Variants in ARFGEF3 observed in about 807,000 individuals in gnomAD.
The protein encoded by ARFGEF3 is brefeldin A-inhibited guanine nucleotide-exchange protein 3.
In ARFGEF3, 96 loss-of-function variants were observed where a neutral mutation model predicts 221.7. That is an observed-to-expected ratio of 0.43 (90% CI 0.37 to 0.51). The LOEUF is 0.51. Ranked by LOEUF, ARFGEF3 falls within the 20% of genes least tolerant of loss-of-function variation. The pLI is 0.00. For missense variants in ARFGEF3, 2,410 were observed against 2,789.9 expected (o/e 0.86, Z 3.07); for synonymous variants, 1,145 against 1,126.8 (o/e 1.02, Z -0.32).
chr6:138,199,524 C>A (rs1378275163), intron 2 of ARFGEF3, among the ~76,000 whole-genome samples: 1 of 152,190 alleles, frequency 6.6e-6, no homozygotes, highest in African/African-American at 2.4e-5. Flanking sequence ...GATGTGTTTC[C>A]ATTTGTTTGT....
Position 138,321,692 on chromosome 6 carries a change from A to C in ARFGEF3, c.4766+467A>C, listed in dbSNP as rs543659070. On this transcript the variant is annotated intron_variant, in intron 29 of 33. Transcript: ENST00000251691. The stretch of plus-strand genomic sequence containing the variant: ...AGTTTGGAGGCTCTTCAAACTAAAA[A>C]TAGAGGTATCATACAATCAGCAATC... 5.9e-5 allele frequency among the ~76,000 whole-genome samples: 9 copies of C among 152,388 alleles called. No individual in the cohort carries two copies. In the South Asian group the frequency reaches 1.9e-3, roughly 32 times the overall value.
intron 22 of ARFGEF3, among the ~76,000 whole-genome samples, chr6:138,299,281 T>C (rs1325767434): frequency 6.6e-6 from 1 of 150,756 alleles, no homozygotes; most frequent in Non-Finnish European, 1.5e-5. Flanking sequence ...GAGCTGGGAT[T>C]TGAAACTAGG....
At chr6:138,322,435 G>T (rs4896343) in intron 29 of ARFGEF3, among the ~76,000 whole-genome samples, 126,672 of 152,086 alleles carry the variant, frequency 0.83, 52,857 homozygotes, top group African/African-American at 0.89. Context: ...GAGATTTGGG[G>T]AGGGACACAG....
At chr6:138,321,885 T>C (rs571305580) in intron 29 of ARFGEF3, among the ~76,000 whole-genome samples, 1 of 150,592 alleles carries the variant, frequency 6.6e-6, no homozygotes, top group Non-Finnish European at 1.5e-5. Context: ...GAAAAAGAGC[T>C]TTAATGGACT....
At chr6:138,315,234 T>C (rs1008849440) in intron 26 of ARFGEF3, among the ~76,000 whole-genome samples, 3 of 152,318 alleles carry the variant, frequency 2.0e-5, no homozygotes, top group South Asian at 2.1e-4. Context: ...ATCAAAACAA[T>C]GATTTTAAAG....
rs1160235505 is a variant in ARFGEF3 at position 138,245,526 on chromosome 6, G to C, written c.600G>C (p.Glu200Asp). 6.2e-7 allele frequency: 1 copy of C among 1,611,082 alleles called. No homozygotes were observed. The highest frequency in any genetic ancestry group is 1.3e-5 in the African/African-American group (1 of 74,860). ...QDFGNQGSTV[E>D]SLCDDVVSVL... ...TCTGTTTTGAAGGGTCAACAGTAGA[G>C]TCCCTCTGTGATGATGTTGTCTCTG... Residue 200 changes from glutamate to aspartate, a missense_variant, in exon 8 of 34, where the codon GAG (glutamate) becomes GAC (aspartate). Glu to Asp is a conservative substitution (Grantham distance 45). Around this residue, in one of 5 missense-constraint regions of ARFGEF3, gnomAD observed 570 missense variants for 586.9 expected, o/e 0.97. Transcript: ENST00000251691.
At chr6:138,275,608 G>A (rs1779082515) in intron 12 of ARFGEF3, among the ~76,000 whole-genome samples, 1 of 152,082 alleles carries the variant, frequency 6.6e-6, no homozygotes, top group South Asian at 2.1e-4. Flanking sequence ...GCTGCATGTG[G>A]TGGTGCATGC....
intron 8 of ARFGEF3, among the ~76,000 whole-genome samples, chr6:138,246,357 A>AGTC (rs1583030112): frequency 6.6e-6 from 1 of 152,372 alleles, no homozygotes; most frequent in East Asian, 1.9e-4. Flanking sequence ...GGTAACTAGG[A>AGTC]CATCTGATAA....
At chr6:138,200,688 G>A (rs950479707) in intron 2 of ARFGEF3, among the ~76,000 whole-genome samples, 3 of 152,164 alleles carry the variant, frequency 2.0e-5, no homozygotes, top group South Asian at 4.1e-4. Flanking sequence ...GATAGATTAA[G>A]GACTTAAACC....
intron 8 of ARFGEF3, among the ~76,000 whole-genome samples, chr6:138,249,304 G>A (rs963494039): frequency 1.3e-5 from 2 of 152,150 alleles, no homozygotes; most frequent in African/African-American, 4.8e-5. Context: ...CATGACTTAA[G>A]AATAGGTATT....
chr6:138,259,155 G>A (rs1778742225), intron 10 of ARFGEF3, among the ~76,000 whole-genome samples: 1 of 152,142 alleles, frequency 6.6e-6, no homozygotes, highest in South Asian at 2.1e-4. Flanking sequence ...AAAACCAATC[G>A]TTTGGGAAAG....
chr6:138,196,169 T>C (rs1777415248), intron 2 of ARFGEF3, among the ~76,000 whole-genome samples: 1 of 151,882 alleles, frequency 6.6e-6, no homozygotes, highest in African/African-American at 2.4e-5. Context: ...TGTCCAGGAG[T>C]GATTTTTTTC....
intron 4 of ARFGEF3, among the ~76,000 whole-genome samples, chr6:138,226,113 G>A (rs1778079784): frequency 6.6e-6 from 1 of 152,166 alleles, no homozygotes; most frequent in Non-Finnish European, 1.5e-5. Context: ...TGGACAGGGT[G>A]TGCCTGACAG....
chr6:138,297,506 C>T (rs1779543731), intron 21 of ARFGEF3, among the ~76,000 whole-genome samples: 1 of 152,180 alleles, frequency 6.6e-6, no homozygotes, highest in African/African-American at 2.4e-5. Context: ...CTGGCCACTT[C>T]CAAGTTGACA....
rs767161159 is a variant in ARFGEF3 at position 138,339,547 on chromosome 6, C to A, written c.*3061C>A. The A allele has an allele frequency of 6.6e-6, 1 of 152,178 alleles. No homozygotes were observed. The highest frequency in any genetic ancestry group is 1.5e-5 in the Non-Finnish European group (1 of 68,046). 9.4% of individuals were successfully genotyped at this position (152,178 alleles called of 1,614,324 possible). On this transcript the variant is annotated 3_prime_UTR_variant, in exon 34 of 34. Transcript: ENST00000251691. ...AAGTATATTACCTTAAAGTTGAGAT[C>A]TTTCTCTTCTTTTCCTAAATTTTGG... is the stretch of plus-strand genomic sequence containing the variant.
Position 138,162,222 on chromosome 6 carries a change from C to CT in ARFGEF3, c.85+52dup. The CT allele has an allele frequency of 7.0e-7, 1 of 1,431,308 alleles. No homozygotes were observed. The highest frequency in any genetic ancestry group is 9.6e-7 in the Non-Finnish European group (1 of 1,044,220). The allele number at this position is 1,431,308 out of a possible 1,614,324, so 88.7% of individuals were successfully genotyped here. On this transcript the variant is annotated intron_variant, in intron 1 of 33. Coordinates refer to ENST00000251691, the MANE Select transcript of ARFGEF3 (RefSeq NM_020340.5). This position sits in a 1 kb window ranked among gnomAD's most constrained non-coding sequence, Gnocchi z 4.7. ...CGGCGGGAGGGCCGCGCGGCCGGGGCTGAACCCGCGCCTCCGCGCGTGGGG... is the reference window on the plus strand; with the variant it reads ...CGGCGGGAGGGCCGCGCGGCCGGGGCTTGAACCCGCGCCTCCGCGCGTGGGG...
intron 8 of ARFGEF3, among the ~76,000 whole-genome samples, chr6:138,249,030 C>T (rs886455760): frequency 2.0e-5 from 3 of 152,164 alleles, no homozygotes; most frequent in African/African-American, 7.2e-5. Context: ...CAGGAACCCC[C>T]ATCAGCTCCA....
At chr6:138,243,967 C>G (rs1358259955) in intron 7 of ARFGEF3, among the ~76,000 whole-genome samples, 1 of 152,020 alleles carries the variant, frequency 6.6e-6, no homozygotes, top group Non-Finnish European at 1.5e-5. Context: ...TTCCTTTCCT[C>G]TTTTTGGCTA....
At chr6:138,178,960 G>C (rs1777009366) in intron 2 of ARFGEF3, among the ~76,000 whole-genome samples, 1 of 152,144 alleles carries the variant, frequency 6.6e-6, no homozygotes, top group Non-Finnish European at 1.5e-5. Flanking sequence ...ATTAGATAAG[G>C]GGTGGGGGAT....
Sources: allele counts gnomAD v4.1 joint callset (sites outside exome capture counted in the v4.1 genomes callset), GRCh38; gene constraint gnomAD v4.1.1; regional missense constraint gnomAD v4.1.1; non-coding constraint Gnocchi (gnomAD v3.1); transcripts MANE v1.5; gene names NCBI Gene and HGNC (gene_info 2026-07-23, HGNC 2026-07-21).